EIF3F: variants seen among roughly 807,000 people sequenced by gnomAD.
The protein encoded by EIF3F is eukaryotic translation initiation factor 3 subunit F.
A neutral mutation model predicts 36.0 loss-of-function variants in EIF3F; 8 were observed. That is an observed-to-expected ratio of 0.22 (90% confidence interval 0.13 to 0.40). EIF3F has a LOEUF of 0.40. Among genes scored for constraint, EIF3F ranks in the 10% least tolerant of loss-of-function variants. EIF3F has a pLI of 1.00. For synonymous variants in EIF3F, 184 were observed against 188.5 expected (o/e 0.98, Z 0.19); for missense variants, 430 against 467.6 (o/e 0.92, Z 0.74).
Position 7,996,763 on chromosome 11 carries a change from T to G in EIF3F, c.*741T>G, listed in dbSNP as rs1173714267. On this transcript the variant is annotated 3_prime_UTR_variant, in exon 8 of 8. Transcript: ENST00000651655. ...GAGTTCCGCCTCGCCACTGTGTGTC[T>G]TAGAAATAAGTCATTATTCAAGAAC... 1 of 152,190 alleles carries G rather than the reference T, an allele frequency of 6.6e-6. No homozygotes were observed. The highest frequency in any genetic ancestry group is 1.5e-5 in the Non-Finnish European group (1 of 68,028). The allele number at this position is 152,190 out of a possible 1,614,324, so 9.4% of individuals were successfully genotyped here. A position where few individuals can be genotyped will look rare whatever the true frequency, so the allele number is the denominator to read the frequency against.
At position 7,987,401 on chromosome 11, in the gene EIF3F, C is replaced by T. The variant is rs750034387; in HGVS notation, c.49C>T (p.Pro17Ser). ...AAGTGCTCCTCCGGCCACGCCAACCCCAGTCCCGGCGGCGGCCCCAGCCTC... is the reference window on the plus strand; with the variant it reads ...AAGTGCTCCTCCGGCCACGCCAACCTCAGTCCCGGCGGCGGCCCCAGCCTC... ...PVSAPPATPTPVPAAAPASVP... is the reference protein window; with the variant it reads ...PVSAPPATPTSVPAAAPASVP... The change falls in exon 1 of 8, where the codon CCA becomes TCA. Residue 17 changes from proline to serine, a missense_variant. Physicochemically the swap from Pro to Ser is moderately conservative, Grantham distance 74. This residue lies in a region of EIF3F where 168 missense variants were observed against 120.2 expected (regional missense o/e 1.40). Transcript: ENST00000651655. 2.5e-6 allele frequency: 4 copies of T among 1,600,510 alleles called. No homozygotes were observed. The highest frequency in any genetic ancestry group is 3.4e-6 in the Non-Finnish European group (4 of 1,179,482).
In EIF3F at chr11:7,987,687, G is replaced by C; in HGVS notation, c.335G>C (p.Gly112Ala). 1.3e-6 allele frequency: 2 copies of C among 1,516,322 alleles called. No homozygotes were observed. Among genetic ancestry groups the C allele is most frequent in the Non-Finnish European group, 1.8e-6 (2 of 1,134,974 alleles). The allele number at this position is 1,516,322 out of a possible 1,614,324, so 93.9% of individuals were successfully genotyped here. Residue 112 changes from glycine to alanine, a missense_variant, in exon 1 of 8, where the codon GGT becomes GCT. Gly to Ala is a moderately conservative substitution (Grantham distance 60). Transcript: ENST00000651655. ...GACAGCTACGAGAGACGCAACGAGG[G>C]TGCTGCCCGAGTTATCGGGACCCTG... Reference protein sequence around the residue: ...IVDSYERRNEGAARVIGTLLG... With the variant: ...IVDSYERRNEAAARVIGTLLG...
In EIF3F at chr11:7,995,304, G is replaced by A; in HGVS notation, c.933G>A (p.Leu311=). ...DNTVGRFLMS[L]VNQVPKIVPD... ...CTGTGGGCCGCTTCCTGATGAGCCT[G>A]GTTAACCAAGTACCGAAAATAGTTC... The change falls in exon 7 of 8, where the codon CTG becomes CTA. Residue 311 remains leucine, a synonymous_variant. Coordinates refer to ENST00000651655, the MANE Select transcript of EIF3F (RefSeq NM_003754.3). 6.2e-7 allele frequency: 1 copy of A among 1,614,148 alleles called. No homozygotes were observed. Among genetic ancestry groups the A allele is most frequent in the Non-Finnish European group, 8.5e-7 (1 of 1,180,024 alleles).
chr11:7,989,859 A>C (rs1383412419), intron 1 of EIF3F, among the ~76,000 whole-genome samples: 1 of 152,242 alleles, frequency 6.6e-6, no homozygotes, highest in Non-Finnish European at 1.5e-5. Context: ...AGGTGACAGG[A>C]GGTAGAGCAG....
chr11:7,991,892 G>A (rs1250841587), intron 2 of EIF3F, 41 bp downstream of exon 2: 3 of 1,610,728 alleles, frequency 1.9e-6, no homozygotes, highest in Non-Finnish European at 1.7e-6. Flanking sequence ...GTTTTTAGCT[G>A]TTCATTTGCT....
intron 1 of EIF3F, among the ~76,000 whole-genome samples, chr11:7,991,190 C>T (rs1339206036): frequency 6.7e-6 from 1 of 148,316 alleles, no homozygotes; most frequent in African/African-American, 2.5e-5. Flanking sequence ...AAGATTTCGT[C>T]TCAGAAAAAA....
chr11:7,993,514 C>T (rs1171586931), intron 4 of EIF3F, among the ~76,000 whole-genome samples: 2 of 152,134 alleles, frequency 1.3e-5, no homozygotes, highest in Non-Finnish European at 2.9e-5. Flanking sequence ...TTACAGTGAA[C>T]ACGTTGAGCT....
In EIF3F at chr11:7,995,068, C is replaced by T. The variant is rs756745169; in HGVS notation, c.832C>T (p.Arg278Cys). The stretch of plus-strand genomic sequence containing the variant: ...GCAGCAAGTAGGAGGGGCATCAGCT[C>T]GCATCCAGGATGCCCTGAGTACAGT... ...DLQQVGGASA[R>C]IQDALSTVLQ... The change falls in exon 6 of 8, where the codon CGC becomes TGC. Residue 278 changes from arginine to cysteine, a missense_variant. Arg to Cys is a radical substitution (Grantham distance 180, BLOSUM62 -3). This residue lies in a region of EIF3F where 262 missense variants were observed against 347.4 expected (regional missense o/e 0.75). Transcript: ENST00000651655. 9 of 1,613,870 alleles carry T rather than the reference C, an allele frequency of 5.6e-6. No homozygotes were observed. In the Admixed American group the frequency reaches 6.7e-5, roughly 12 times the overall value.
At position 7,987,468 on chromosome 11, in the gene EIF3F, C is replaced by T. The variant is rs1043738; in HGVS notation, c.116C>T (p.Pro39Leu). The change falls in exon 1 of 8, where the codon CCC becomes CTC. Residue 39 changes from proline to leucine, a missense_variant. This residue lies in a region of EIF3F where 168 missense variants were observed against 120.2 expected (regional missense o/e 1.40). Coordinates refer to ENST00000651655, the MANE Select transcript of EIF3F (RefSeq NM_003754.3). ...CCAGCACCGGCTGCGGCTCCGGTTC[C>T]CGCTGCGGCTCCAGCCTCATCCTCA... ...PTPAPAAAPV[P>L]AAAPASSSDP... 0.026 allele frequency: 41,672 copies of T among 1,605,270 alleles called. 700 individuals are homozygous for T. Among genetic ancestry groups the T allele is most frequent in the African/African-American group, 0.075 (5,595 of 74,902 alleles).
In EIF3F at chr11:7,992,591, A is replaced by C. The variant is rs3892448; in HGVS notation, c.516-296A>C. 8 of 462,852 alleles carry C rather than the reference A, an allele frequency of 1.7e-5. No homozygotes were observed. The East Asian group carries it at 3.1e-4, about 18-fold the overall frequency. The allele number at this position is 462,852 out of a possible 1,614,324, so 28.7% of individuals were successfully genotyped here. The stretch of plus-strand genomic sequence containing the variant: ...GACCCTGTCTCTAAAAAACAAAAGG[A>C]AAGTGTGTTACCTGTAGGAACTGTG... On this transcript the variant is annotated intron_variant, in intron 3 of 7. Coordinates refer to ENST00000651655, the MANE Select transcript of EIF3F (RefSeq NM_003754.3).
Position 7,987,583 on chromosome 11 carries a change from G to T in EIF3F, c.231G>T (p.Leu77=). ...QAPAQTPAPA[L]PGPALPGPFP... is the part of the protein sequence containing the mutation. The stretch of plus-strand genomic sequence containing the variant: ...CAGCGCAGACCCCAGCGCCCGCTCT[G>T]CCTGGTCCTGCTCTTCCAGGGCCCT... Residue 77 remains leucine, a synonymous_variant, in exon 1 of 8, where the codon CTG becomes CTT. Coordinates refer to ENST00000651655, the MANE Select transcript of EIF3F (RefSeq NM_003754.3). 6.3e-7 allele frequency: 1 copy of T among 1,596,620 alleles called. No homozygotes were observed. The highest frequency in any genetic ancestry group is 8.5e-7 in the Non-Finnish European group (1 of 1,172,108).
chr11:7,995,876 G>A, intron 7 of EIF3F, 69 bp from the exon 8 acceptor site: 4 of 1,340,420 alleles, frequency 3.0e-6, no homozygotes, highest in African/African-American at 1.4e-5. Flanking sequence ...CCATAGAGCT[G>A]GCCAAAGCCA....
In EIF3F at chr11:8,000,465, TC is replaced by T. The variant is rs1407916725; in HGVS notation, c.*4445del. 3 of 152,134 alleles carry T rather than the reference TC, an allele frequency of 2.0e-5. No homozygotes were observed. Among genetic ancestry groups the T allele is most frequent in the Non-Finnish European group, 4.4e-5 (3 of 68,034 alleles). The allele number at this position is 152,134 out of a possible 1,614,324, so 9.4% of individuals were successfully genotyped here. A position where few individuals can be genotyped will look rare whatever the true frequency, so the allele number is the denominator to read the frequency against. On this transcript the variant is annotated 3_prime_UTR_variant, in exon 8 of 8. Coordinates refer to ENST00000651655, the MANE Select transcript of EIF3F (RefSeq NM_003754.3). ...TTTCAGTTAAACAGGAGTAGTACGT[TC>T]CGGAGACCTGTTGTGCAGCAGGGTG...
At chr11:7,989,449 T>TA (rs1365835496) in intron 1 of EIF3F, among the ~76,000 whole-genome samples, 2 of 152,214 alleles carry the variant, frequency 1.3e-5, no homozygotes, top group African/African-American at 2.4e-5. Context: ...AGGCAATACT[T>TA]ACAGAAGAAT....
chr11:7,992,689 G>A, intron 3 of EIF3F, 198 bp from the exon 4 acceptor site: 1 of 688,092 alleles, frequency 1.5e-6, no homozygotes, highest in Non-Finnish European at 2.5e-6. Context: ...TAAGTGACTT[G>A]GAATTTTTCA....
chr11:7,993,174 ACT>A (rs947801558), intron 4 of EIF3F, 150 bp downstream of exon 4: 1 of 905,822 alleles, frequency 1.1e-6, no homozygotes, highest in African/African-American at 1.7e-5. Flanking sequence ...TAAAGGTTTC[ACT>A]CTGAAACAAA....
Position 8,000,381 on chromosome 11 carries a change from G to A in EIF3F, c.*4359G>A, listed in dbSNP as rs61879579. 1 of 152,006 alleles carries A rather than the reference G, an allele frequency of 6.6e-6. No individual in the cohort carries two copies. Among genetic ancestry groups the A allele is most frequent in the African/African-American group, 2.4e-5 (1 of 41,362 alleles). The allele number at this position is 152,006 out of a possible 1,614,324, so 9.4% of individuals were successfully genotyped here. ...GAACTCACAAGCAGAGTGTAGAAAG[G>A]TGGTTTCATGGACTGGAGGGAGGGG... On this transcript the variant is annotated 3_prime_UTR_variant, in exon 8 of 8. Transcript: ENST00000651655.
In EIF3F at chr11:7,998,797, G is replaced by A. The variant is rs922062; in HGVS notation, c.*2775G>A. 0.39 allele frequency: 58,939 copies of A among 151,976 alleles called. 12,113 individuals are homozygous for A. The highest frequency in any genetic ancestry group is 0.52 in the Middle Eastern group (153 of 294). The allele number at this position is 151,976 out of a possible 1,614,324, so 9.4% of individuals were successfully genotyped here. A position where few individuals can be genotyped will look rare whatever the true frequency, so the allele number is the denominator to read the frequency against. ...AGAGGATGGCAAGTAAAATAAGTCT[G>A]TATTGTTATCAGCAATTATCTAGTT... On this transcript the variant is annotated 3_prime_UTR_variant, in exon 8 of 8. Coordinates refer to ENST00000651655, the MANE Select transcript of EIF3F (RefSeq NM_003754.3).
At chr11:7,995,475 CAG>C in intron 7 of EIF3F, 108 bp downstream of exon 7, 1 of 926,140 alleles carries the variant, frequency 1.1e-6, no homozygotes, top group Non-Finnish European at 1.8e-6. Flanking sequence ...AGGATAGAGA[CAG>C]GGCTTCACCT....
Sources: allele counts gnomAD v4.1 joint callset (sites outside exome capture counted in the v4.1 genomes callset), GRCh38; gene constraint gnomAD v4.1.1; regional missense constraint gnomAD v4.1.1; transcripts MANE v1.5; gene names NCBI Gene and HGNC (gene_info 2026-07-23, HGNC 2026-07-21).